GRB14: variants seen among roughly 807,000 people sequenced by gnomAD.
The protein encoded by GRB14 is growth factor receptor bound protein 14.
GRB14 carries 38 observed loss-of-function variants against 69.1 expected under a neutral mutation model. The observed-to-expected ratio is 0.55, with a 90% CI of 0.42 to 0.72. The LOEUF (loss-of-function observed/expected upper bound fraction) is 0.72, where lower values mean the gene tolerates loss of function less well. Ranked by LOEUF, GRB14 falls within the 30% of genes least tolerant of loss-of-function variation. The pLI, the probability that GRB14 is intolerant of heterozygous loss-of-function variation, is 0.00. For missense variants in GRB14, 666 were observed against 666.1 expected, an observed-to-expected ratio of 1.00 and a Z score of 0.00; for synonymous variants, 247 against 241.3, an observed-to-expected ratio of 1.02 and a Z score of -0.22.
chr2:164,620,387 C>T (rs1036060074), intron 1 of GRB14, among the ~76,000 whole-genome samples: 3 of 151,836 alleles, frequency 2.0e-5, no homozygotes, highest in Non-Finnish European at 4.4e-5. Context: ...ATTTTTCAAG[C>T]GCTTATAGAT....
At chr2:164,507,564 A>G (rs1687224655) in intron 8 of GRB14, among the ~76,000 whole-genome samples, 1 of 152,218 alleles carries the variant, frequency 6.6e-6, no homozygotes, top group East Asian at 1.9e-4. Context: ...GTACCTTAGA[A>G]AATGTTAATG....
At chr2:164,606,736 T>C (rs184716760) in intron 2 of GRB14, among the ~76,000 whole-genome samples, 2 of 152,284 alleles carry the variant, frequency 1.3e-5, no homozygotes, top group Admixed American at 1.3e-4. Context: ...CACAGCACAG[T>C]AAGACTACTG....
At chr2:164,617,996 T>G (rs2105365064) in intron 2 of GRB14, among the ~76,000 whole-genome samples, 1 of 145,842 alleles carries the variant, frequency 6.9e-6, no homozygotes, top group South Asian at 2.3e-4. Context: ...GGACAGATTC[T>G]CGCTCTGTCG....
intron 2 of GRB14, among the ~76,000 whole-genome samples, chr2:164,589,889 G>A (rs1689621264): frequency 6.6e-6 from 1 of 152,124 alleles, no homozygotes; most frequent in Non-Finnish European, 1.5e-5. Context: ...AAATCAGGGT[G>A]CCAGCATTGT....
intron 2 of GRB14, among the ~76,000 whole-genome samples, chr2:164,551,733 T>A (rs994116732): frequency 2.6e-5 from 4 of 152,184 alleles, no homozygotes; most frequent in African/African-American, 9.7e-5. Context: ...CAGAAAGCCT[T>A]CCCTGACTGT....
intron 2 of GRB14, among the ~76,000 whole-genome samples, chr2:164,601,092 A>G (rs1354795822): frequency 1.3e-5 from 2 of 152,212 alleles, no homozygotes; most frequent in African/African-American, 2.4e-5. Flanking sequence ...GTTAAATCCC[A>G]GACAAGGATC....
intron 2 of GRB14, among the ~76,000 whole-genome samples, chr2:164,581,025 C>T (rs982742564): frequency 3.3e-5 from 5 of 152,204 alleles, no homozygotes; most frequent in African/African-American, 1.2e-4. Context: ...CTACCAGTGC[C>T]TCTTCCCTCA....
At chr2:164,611,850 G>C (rs57321212) in intron 2 of GRB14, among the ~76,000 whole-genome samples, 3 of 151,982 alleles carry the variant, frequency 2.0e-5, no homozygotes, top group African/African-American at 7.3e-5. Flanking sequence ...CACTATATGG[G>C]AATACCTGAA....
At chr2:164,587,716 A>G (rs779833738) in intron 2 of GRB14, among the ~76,000 whole-genome samples, 1 of 152,196 alleles carries the variant, frequency 6.6e-6, no homozygotes, top group African/African-American at 2.4e-5. Flanking sequence ...ATTTTTTCCA[A>G]TGCAAGATCT....
At chr2:164,584,786 T>C (rs1297407711) in intron 2 of GRB14, among the ~76,000 whole-genome samples, 2 of 152,182 alleles carry the variant, frequency 1.3e-5, no homozygotes, top group Non-Finnish European at 2.9e-5. Context: ...TACTCTTTCT[T>C]ATATTTATCA....
intron 2 of GRB14, among the ~76,000 whole-genome samples, chr2:164,614,981 T>C (rs1412687086): frequency 6.6e-6 from 1 of 152,158 alleles, no homozygotes; most frequent in African/African-American, 2.4e-5. Flanking sequence ...TTTAATTATT[T>C]GAGATAAATT....
At chr2:164,565,263 C>T (rs1006334843) in intron 2 of GRB14, among the ~76,000 whole-genome samples, 1 of 128,328 alleles carries the variant, frequency 7.8e-6, no homozygotes, top group Non-Finnish European at 1.6e-5. Flanking sequence ...TATAAACTGT[C>T]TTTCTATCAC....
At position 164,508,778 on chromosome 2, in the gene GRB14, T is replaced by C. The variant is rs779638211; in HGVS notation, c.891A>G (p.Lys297=). The C allele has an allele frequency of 1.3e-6, 2 of 1,526,320 alleles. No individual in the cohort carries two copies. The highest frequency in any genetic ancestry group is 4.6e-5 in the East Asian group (2 of 43,092). 94.5% of individuals were successfully genotyped at this position (1,526,320 alleles called of 1,614,324 possible). A position where few individuals can be genotyped will look rare whatever the true frequency, so the allele number is the denominator to read the frequency against. Reference sequence around the variant, plus strand: ...ATCCATAGTTAGTCGGTGCTCCATGTTTTTTTTTGCCTGCCAGTGACACAT... The same window carrying C: ...ATCCATAGTTAGTCGGTGCTCCATGCTTTTTTTTGCCTGCCAGTGACACAT... The part of the protein sequence containing the change: ...DIYVSLAGKK[K]HGAPTNYGFC... Residue 297 remains lysine, a synonymous_variant, in exon 7 of 14, where the codon AAA becomes AAG. Transcript: ENST00000263915.
In GRB14 at chr2:164,621,327, C is replaced by T; in HGVS notation, c.-18G>A. 3 of 1,280,418 alleles carry T rather than the reference C, an allele frequency of 2.3e-6. No homozygotes were observed. The highest frequency in any genetic ancestry group is 3.0e-6 in the Non-Finnish European group (3 of 1,013,744). 79.3% of individuals were successfully genotyped at this position (1,280,418 alleles called of 1,614,324 possible). A position where few individuals can be genotyped will look rare whatever the true frequency, so the allele number is the denominator to read the frequency against. ...GTGGTCATTGTCGCCGGCCGGGGGGCTCGGGCGTCATGGGAGACTCGGCGC... is the reference window on the plus strand; with the variant it reads ...GTGGTCATTGTCGCCGGCCGGGGGGTTCGGGCGTCATGGGAGACTCGGCGC... On this transcript the variant is annotated 5_prime_UTR_variant, in exon 1 of 14. Coordinates refer to ENST00000263915, the MANE Select transcript of GRB14 (RefSeq NM_004490.3). This position sits in a 1 kb window ranked among gnomAD's most constrained non-coding sequence, Gnocchi z 6.0.
Position 164,535,617 on chromosome 2 carries a change from T to C in GRB14, c.482-8482A>G, listed in dbSNP as rs537106037. ...GGTCCTTGTACTTCTCTATGCTGGG[T>C]AGAAACTACATACATTTTGTCAATC... On this transcript the variant is annotated intron_variant, in intron 3 of 13. Transcript: ENST00000263915. Among the ~76,000 whole-genome samples, 8 of 152,358 alleles carry C rather than the reference T, an allele frequency of 5.3e-5. No individual in the cohort carries two copies. The South Asian group carries it at 1.7e-3, about 32-fold the overall frequency.
intron 2 of GRB14, among the ~76,000 whole-genome samples, chr2:164,568,768 A>C (rs757831349): frequency 9.9e-5 from 15 of 152,094 alleles, no homozygotes; most frequent in Non-Finnish European, 1.6e-4. Flanking sequence ...GGCAGATAAG[A>C]ATCTGTTTAC....
chr2:164,544,845 A>G (rs1393284488), intron 3 of GRB14, among the ~76,000 whole-genome samples: 4 of 152,208 alleles, frequency 2.6e-5, no homozygotes, highest in African/African-American at 9.7e-5. Flanking sequence ...ACCAGTTGTC[A>G]AATCAGAAGT....
chr2:164,610,813 T>A (rs1260231853), intron 2 of GRB14, among the ~76,000 whole-genome samples: 5 of 147,342 alleles, frequency 3.4e-5, no homozygotes, highest in Admixed American at 2.0e-4. Context: ...AATGAGACAA[T>A]TCGGATTATG....
Position 164,508,437 on chromosome 2 carries a change from T to A in GRB14, c.1023+18A>T, listed in dbSNP as rs764125178. On this transcript the variant is annotated intron_variant, in intron 8 of 13. Coordinates refer to ENST00000263915, the MANE Select transcript of GRB14 (RefSeq NM_004490.3). ...ACTCACAGCAGTTAATAGAAATTCA[T>A]GCCTCCGGCGAGATTACCTTAAGCA... 6.2e-7 allele frequency: 1 copy of A among 1,600,520 alleles called. No individual in the cohort carries two copies.
Sources: allele counts gnomAD v4.1 joint callset (sites outside exome capture counted in the v4.1 genomes callset), GRCh38; gene constraint gnomAD v4.1.1; non-coding constraint Gnocchi (gnomAD v3.1); transcripts MANE v1.5; gene names NCBI Gene and HGNC (gene_info 2026-07-23, HGNC 2026-07-21).